The following CLVS1 variants were observed in gnomAD, a reference collection of about 807,000 sequenced individuals.
The protein encoded by CLVS1 is clavesin 1, also known as clavesin-1.
CLVS1 carries 10 observed loss-of-function variants against 33.1 expected under a neutral mutation model. The ratio of observed to expected loss-of-function variants is 0.30; its 90% CI spans 0.19 to 0.51. The LOEUF is 0.51. CLVS1 is among the 20% of genes least tolerant of loss of function. The pLI is 0.97. For missense variants in CLVS1, 343 were observed against 433.4 expected (o/e 0.79, Z 1.85); for synonymous variants, 163 against 166.1 (o/e 0.98, Z 0.14).
At chr8:60,980,777 C>A in the CLVS1 span, among the ~76,000 whole-genome samples, 7 of 151,326 alleles carry the variant, frequency 4.6e-5, no homozygotes, top group Admixed American at 4.6e-4. Flanking sequence ...CAGAGTGAGA[C>A]CCCATCTCAA....
chr8:61,344,702 G>A (rs576599088), intron 2 of CLVS1, among the ~76,000 whole-genome samples: 1 of 152,124 alleles, frequency 6.6e-6, no homozygotes, highest in South Asian at 2.1e-4. Flanking sequence ...ATAAGTACAT[G>A]AATAAATGAA....
chr8:60,973,495 G>T, the CLVS1 span, among the ~76,000 whole-genome samples: 3 of 152,178 alleles, frequency 2.0e-5, no homozygotes, highest in Non-Finnish European at 4.4e-5. Flanking sequence ...TCAGAAGAAA[G>T]AATTCAACTG....
At chr8:61,113,704 C>T (rs1156908775) in intron 1 of CLVS1, among the ~76,000 whole-genome samples, 3 of 152,242 alleles carry the variant, frequency 2.0e-5, no homozygotes, top group Non-Finnish European at 4.4e-5. Context: ...GCTTACGGCA[C>T]CTGCACTGAC....
At chr8:61,014,690 A>T in the CLVS1 span, among the ~76,000 whole-genome samples, 1 of 152,258 alleles carries the variant, frequency 6.6e-6, no homozygotes, top group Non-Finnish European at 1.5e-5. Context: ...AATAAGGAAG[A>T]TTTAAGGCTT....
At chr8:61,085,855 C>G (rs145702135) in intron 1 of CLVS1, among the ~76,000 whole-genome samples, 1 of 151,660 alleles carries the variant, frequency 6.6e-6, no homozygotes, top group African/African-American at 2.4e-5. Context: ...AACCCCACCT[C>G]TACTAAAAAT....
At chr8:61,126,079 A>G (rs540515452) in intron 1 of CLVS1, among the ~76,000 whole-genome samples, 11 of 152,218 alleles carry the variant, frequency 7.2e-5, no homozygotes, top group African/African-American at 2.4e-4. Context: ...TCTAAGCTCT[A>G]CTTACAGCCC....
chr8:61,426,504 T>A (rs1815898526), intron 3 of CLVS1, among the ~76,000 whole-genome samples: 1 of 152,204 alleles, frequency 6.6e-6, no homozygotes, highest in African/African-American at 2.4e-5. Flanking sequence ...TGACGATTGA[T>A]AGGAGTTGGT....
intron 3 of CLVS1, among the ~76,000 whole-genome samples, chr8:61,418,999 T>C (rs1815549070): frequency 6.6e-6 from 1 of 152,160 alleles, no homozygotes. Context: ...TGGCACAAAG[T>C]GGCCAATAAA....
At chr8:61,188,587 T>C (rs1274005694) in intron 2 of CLVS1, among the ~76,000 whole-genome samples, 1 of 152,132 alleles carries the variant, frequency 6.6e-6, no homozygotes, top group East Asian at 1.9e-4. Flanking sequence ...ATATAGGTAA[T>C]GTTAAAAGGG....
intron 1 of CLVS1, among the ~76,000 whole-genome samples, chr8:61,117,899 G>A (rs1261919578): frequency 1.3e-5 from 2 of 151,936 alleles, no homozygotes; most frequent in Non-Finnish European, 2.9e-5. Flanking sequence ...AATGAGTTAG[G>A]GAGGATTCCC....
the CLVS1 span, among the ~76,000 whole-genome samples, chr8:61,002,005 G>A: frequency 6.6e-6 from 1 of 151,870 alleles, no homozygotes; most frequent in Non-Finnish European, 1.5e-5. Context: ...TTGAGACAGG[G>A]TCTTGCTCTG....
chr8:61,008,913 G>A, the CLVS1 span, among the ~76,000 whole-genome samples: 3 of 152,154 alleles, frequency 2.0e-5, no homozygotes, highest in African/African-American at 4.8e-5. Flanking sequence ...GATCTTCCCT[G>A]GGTGTGATGG....
At chr8:61,278,130 G>A (rs897612931) in intron 2 of CLVS1, among the ~76,000 whole-genome samples, 36 of 152,144 alleles carry the variant, frequency 2.4e-4, no homozygotes, top group African/African-American at 8.4e-4. Context: ...AATTGTGGGG[G>A]CCGAGAGCAT....
chr8:61,303,083 C>G (rs1341922910), intron 2 of CLVS1, among the ~76,000 whole-genome samples: 2 of 152,180 alleles, frequency 1.3e-5, no homozygotes, highest in Non-Finnish European at 2.9e-5. Context: ...GGAGCCAAAC[C>G]ATATCAATAA....
At chr8:61,410,066 G>GTTTTTTT (rs201195565) in intron 3 of CLVS1, among the ~76,000 whole-genome samples, 244 of 106,858 alleles carry the variant, frequency 2.3e-3, no homozygotes, top group Non-Finnish European at 3.6e-3. Context: ...ACTTGCAGAG[G>GTTTTTTT]TTTTTTTTTT....
At chr8:61,338,610 CA>C (rs1186831886) in intron 2 of CLVS1, among the ~76,000 whole-genome samples, 1 of 152,180 alleles carries the variant, frequency 6.6e-6, no homozygotes, top group African/African-American at 2.4e-5. Flanking sequence ...TTTTGGGTTC[CA>C]AAACCATATG....
At chr8:61,103,832 T>C (rs546349262) in intron 1 of CLVS1, among the ~76,000 whole-genome samples, 1 of 152,340 alleles carries the variant, frequency 6.6e-6, no homozygotes, top group South Asian at 2.1e-4. Context: ...AGGCAAGGGC[T>C]TGCTTAAAAG....
intron 2 of CLVS1, among the ~76,000 whole-genome samples, chr8:61,195,077 A>G (rs538475417): frequency 1.3e-5 from 2 of 152,146 alleles, no homozygotes; most frequent in African/African-American, 2.4e-5. Flanking sequence ...GATACAAATC[A>G]TAGCTTTAAA....
At chr8:61,185,078 T>C (rs1807316137) in intron 2 of CLVS1, among the ~76,000 whole-genome samples, 1 of 152,132 alleles carries the variant, frequency 6.6e-6, no homozygotes, top group South Asian at 2.1e-4. Flanking sequence ...TATAGATTTG[T>C]AATCTATTTT....
Sources: allele counts gnomAD v4.1 joint callset (sites outside exome capture counted in the v4.1 genomes callset), GRCh38; gene constraint gnomAD v4.1.1; transcripts MANE v1.5; gene names NCBI Gene and HGNC (gene_info 2026-07-23, HGNC 2026-07-21).